The following NRG3 variants were observed in gnomAD, a reference collection of about 807,000 sequenced individuals.
NRG3 encodes the protein pro-neuregulin-3, membrane-bound isoform.
NRG3 carries 31 observed loss-of-function variants against 66.9 expected under a neutral mutation model. That is an observed-to-expected ratio of 0.46 (90% CI 0.35 to 0.63). NRG3 has a LOEUF of 0.63. Among genes scored for constraint, NRG3 ranks in the 20% least tolerant of loss-of-function variants. The probability of loss-of-function intolerance (pLI) is 0.00; values close to 1 mark genes in which losing one functional copy is unlikely to be tolerated. For missense variants in NRG3, 910 were observed against 878.9 expected (o/e 1.04, Z -0.45); for synonymous variants, 393 against 359.4 (o/e 1.09, Z -1.06).
At chr10:82,770,788 A>G (rs1456135762) in intron 3 of NRG3, among the ~76,000 whole-genome samples, 1 of 152,164 alleles carries the variant, frequency 6.6e-6, no homozygotes, top group South Asian at 2.1e-4. Context: ...CTTGGAGCTA[A>G]GTGGAGCAAA....
chr10:82,801,495 A>G (rs1251299788), intron 3 of NRG3, among the ~76,000 whole-genome samples: 1 of 152,124 alleles, frequency 6.6e-6, no homozygotes, highest in African/African-American at 2.4e-5. Flanking sequence ...CCCTCCAACA[A>G]TGAATTACAG....
At chr10:82,052,441 G>A (rs946981843) in intron 1 of NRG3, among the ~76,000 whole-genome samples, 2 of 152,136 alleles carry the variant, frequency 1.3e-5, no homozygotes, top group Non-Finnish European at 2.9e-5. Flanking sequence ...AGAGATGCAG[G>A]AGGAATGGGC....
Position 82,349,871 on chromosome 10 carries a change from T to C in NRG3, c.824-8868T>C, listed in dbSNP as rs377111848. 6.0e-4 allele frequency among the ~76,000 whole-genome samples: 92 copies of C among 152,304 alleles called. No individual in the cohort carries two copies. In the East Asian group the frequency reaches 0.016, roughly 27 times the overall value. On this transcript the variant is annotated intron_variant, in intron 1 of 8. Transcript: ENST00000372141. ...CCTTTCTTTGACTCAGAAACGGAAC[T>C]CCCTGACCCCTTGCGCTTCCCAAGT...
At chr10:82,496,288 G>T (rs1424430841) in intron 2 of NRG3, among the ~76,000 whole-genome samples, 1 of 152,168 alleles carries the variant, frequency 6.6e-6, no homozygotes, top group East Asian at 1.9e-4. Context: ...GCCAGTACAA[G>T]GCAAGGAGAC....
At chr10:82,638,107 G>A (rs958252297) in intron 2 of NRG3, among the ~76,000 whole-genome samples, 3 of 152,086 alleles carry the variant, frequency 2.0e-5, no homozygotes, top group Non-Finnish European at 4.4e-5. Context: ...CTTTAAAACT[G>A]TAAAATGAAA....
intron 1 of NRG3, among the ~76,000 whole-genome samples, chr10:82,287,422 T>C (rs1339526411): frequency 6.6e-6 from 1 of 152,008 alleles, no homozygotes; most frequent in Non-Finnish European, 1.5e-5. Context: ...GTGAGCCAAT[T>C]AAACCTCTTT....
At chr10:82,866,646 C>T (rs934270693) in intron 4 of NRG3, among the ~76,000 whole-genome samples, 2 of 151,882 alleles carry the variant, frequency 1.3e-5, no homozygotes, top group African/African-American at 4.8e-5. Flanking sequence ...AAATGAAGCG[C>T]GATGGAATGT....
intron 1 of NRG3, among the ~76,000 whole-genome samples, chr10:82,033,608 T>C (rs2062665997): frequency 6.6e-6 from 1 of 152,110 alleles, no homozygotes; most frequent in Admixed American, 6.6e-5. Flanking sequence ...TAGACAAAAT[T>C]GACAAGTTGC....
At chr10:82,980,098 G>T (rs1852695766) in intron 8 of NRG3, among the ~76,000 whole-genome samples, 1 of 151,918 alleles carries the variant, frequency 6.6e-6, no homozygotes, top group African/African-American at 2.4e-5. Flanking sequence ...CCAGCTGCTT[G>T]GGAGGCTGAG....
intron 4 of NRG3, among the ~76,000 whole-genome samples, chr10:82,902,732 C>A (rs1426335262): frequency 1.3e-5 from 2 of 151,944 alleles, no homozygotes; most frequent in African/African-American, 2.4e-5. Context: ...TATCTGTATA[C>A]ACATGTATAG....
At chr10:82,040,226 C>CGAAA (rs1418424020) in intron 1 of NRG3, among the ~76,000 whole-genome samples, 2 of 152,036 alleles carry the variant, frequency 1.3e-5, no homozygotes, top group Admixed American at 6.6e-5. Flanking sequence ...CCACCACCGT[C>CGAAA]TTTCAACAGT....
intron 2 of NRG3, among the ~76,000 whole-genome samples, chr10:82,608,915 G>A (rs1192515111): frequency 6.6e-6 from 1 of 152,034 alleles, no homozygotes; most frequent in Non-Finnish European, 1.5e-5. Context: ...GGGCCTCCCT[G>A]GTGTTTTTAA....
At position 82,922,568 on chromosome 10, in the gene NRG3, A is replaced by C. The variant is rs1022643884; in HGVS notation, c.1055-28901A>C. On this transcript the variant is annotated intron_variant, in intron 4 of 8. Transcript: ENST00000372141. The stretch of plus-strand genomic sequence containing the variant: ...CCTCATCTTGATAAACAGACGCTGG[A>C]GGTTTAGATGCACCTGTGGATGATA... Among the ~76,000 whole-genome samples the C allele has an allele frequency of 3.9e-5, 6 of 152,144 alleles. No individual in the cohort carries two copies. In the East Asian group the frequency reaches 1.2e-3, roughly 29 times the overall value.
intron 2 of NRG3, among the ~76,000 whole-genome samples, chr10:82,734,902 C>T (rs1473079788): frequency 6.6e-6 from 1 of 151,462 alleles, no homozygotes; most frequent in South Asian, 2.1e-4. Context: ...ATTGTAGTTT[C>T]AGCTACTCAG....
intron 2 of NRG3, among the ~76,000 whole-genome samples, chr10:82,521,864 G>A (rs894706074): frequency 7.2e-5 from 11 of 152,154 alleles, no homozygotes; most frequent in Admixed American, 2.0e-4. Flanking sequence ...AATGGTCACA[G>A]AGTCTTCACC....
intron 1 of NRG3, among the ~76,000 whole-genome samples, chr10:81,930,754 C>T (rs1847265490): frequency 6.6e-6 from 1 of 152,036 alleles, no homozygotes; most frequent in Admixed American, 6.5e-5. Flanking sequence ...AGGAGGGGCA[C>T]CAGTGGTGCA....
chr10:82,809,944 T>A (rs2061426038), intron 3 of NRG3, among the ~76,000 whole-genome samples: 1 of 152,004 alleles, frequency 6.6e-6, no homozygotes, highest in African/African-American at 2.4e-5. Context: ...TACACAGGTT[T>A]TTTTTTTTCT....
At chr10:82,118,568 C>T (rs1564579439) in intron 1 of NRG3, among the ~76,000 whole-genome samples, 1 of 152,082 alleles carries the variant, frequency 6.6e-6, no homozygotes, top group African/African-American at 2.4e-5. Context: ...GAGCCAGTCT[C>T]TTCCTAGACC....
chr10:82,510,389 T>C (rs934664683), intron 2 of NRG3, among the ~76,000 whole-genome samples: 7 of 152,230 alleles, frequency 4.6e-5, no homozygotes, highest in African/African-American at 1.4e-4. Context: ...GAAGAAGGGC[T>C]CTGCTGGTGA....
Sources: gnomAD v4.1 joint callset for allele counts (sites outside exome capture counted in the v4.1 genomes callset) on GRCh38, gnomAD v4.1.1 for gene constraint, MANE v1.5 for transcripts, NCBI Gene and HGNC (gene_info 2026-07-23, HGNC 2026-07-21) for gene names.